Variants in ARHGAP44 observed in about 807,000 individuals in gnomAD.
ARHGAP44 encodes the protein rho GTPase-activating protein 44.
In ARHGAP44, 43 loss-of-function variants were observed where a neutral mutation model predicts 106.8. That is an observed-to-expected ratio of 0.40 (90% CI 0.32 to 0.52). The LOEUF (loss-of-function observed/expected upper bound fraction) is 0.52. Among genes scored for constraint, ARHGAP44 ranks in the 20% least tolerant of loss-of-function variants. The probability of loss-of-function intolerance (pLI) is 0.48; values close to 1 mark genes in which losing one functional copy is unlikely to be tolerated. For synonymous variants in ARHGAP44, 439 were observed against 410.3 expected, an observed-to-expected ratio of 1.07 and a Z score of -0.85; for missense variants, 866 against 1,050.5, an observed-to-expected ratio of 0.82 and a Z score of 2.43.
chr17:12,796,524 A>G (rs1416126243), intron 1 of ARHGAP44, among the ~76,000 whole-genome samples: 2 of 152,118 alleles, frequency 1.3e-5, no homozygotes, highest in Non-Finnish European at 2.9e-5. Flanking sequence ...CAGTCTCCCT[A>G]AGTGCTGGGA....
At chr17:12,952,644 A>G in intron 13 of ARHGAP44, 63 bp downstream of exon 13, 2 of 1,260,664 alleles carry the variant, frequency 1.6e-6, no homozygotes, top group Non-Finnish European at 2.2e-6. Context: ...CAGAGATACA[A>G]CTGCCCGGGT....
chr17:12,872,302 G>A (rs1411158688), intron 1 of ARHGAP44, among the ~76,000 whole-genome samples: 1 of 152,074 alleles, frequency 6.6e-6, no homozygotes, highest in African/African-American at 2.4e-5. Context: ...GGAGCCCACT[G>A]AATTCTAATT....
intron 1 of ARHGAP44, among the ~76,000 whole-genome samples, chr17:12,846,678 G>A (rs2035579150): frequency 6.6e-6 from 1 of 152,238 alleles, no homozygotes; most frequent in Non-Finnish European, 1.5e-5. Flanking sequence ...GAAAACCTGA[G>A]ACATCTTCAA....
chr17:12,829,156 T>G (rs1007822213), intron 1 of ARHGAP44, among the ~76,000 whole-genome samples: 1 of 152,138 alleles, frequency 6.6e-6, no homozygotes, highest in African/African-American at 2.4e-5. Flanking sequence ...AACTATTGTG[T>G]CTTGGGGGGT....
intron 1 of ARHGAP44, among the ~76,000 whole-genome samples, chr17:12,855,108 TG>T (rs1240461759): frequency 6.6e-6 from 1 of 151,990 alleles, no homozygotes; most frequent in African/African-American, 2.4e-5. Context: ...GCACACTGGG[TG>T]GGTAAAAGAA....
chr17:12,987,272 T>C (rs780542158), intron 20 of ARHGAP44: 11 of 867,250 alleles, frequency 1.3e-5, no homozygotes, highest in Non-Finnish European at 1.7e-5. Context: ...AGCTTCACTC[T>C]CCAGCCTTCC....
At chr17:12,831,423 T>G (rs1455250974) in intron 1 of ARHGAP44, among the ~76,000 whole-genome samples, 3 of 152,154 alleles carry the variant, frequency 2.0e-5, no homozygotes, top group African/African-American at 7.2e-5. Context: ...GTAGGGAGGA[T>G]GTTTCAGCAT....
intron 1 of ARHGAP44, among the ~76,000 whole-genome samples, chr17:12,834,803 C>T (rs1233299824): frequency 6.6e-6 from 1 of 152,096 alleles, no homozygotes; most frequent in Non-Finnish European, 1.5e-5. Context: ...TTTGGATAAA[C>T]AACACATTTT....
chr17:12,890,784 C>A (rs1222259998), intron 1 of ARHGAP44, among the ~76,000 whole-genome samples: 1 of 152,104 alleles, frequency 6.6e-6, no homozygotes, highest in African/African-American at 2.4e-5. Context: ...TAAATTCCAC[C>A]TTTAAATATT....
At chr17:12,834,715 T>C (rs1355337156) in intron 1 of ARHGAP44, among the ~76,000 whole-genome samples, 1 of 152,186 alleles carries the variant, frequency 6.6e-6, no homozygotes, top group African/African-American at 2.4e-5. Context: ...TATTTTCTAG[T>C]AATAGTGATG....
At position 12,952,558 on chromosome 17, in the gene ARHGAP44, C is replaced by A; in HGVS notation, c.1113C>A (p.Pro371=). 1 of 1,575,284 alleles carries A rather than the reference C, an allele frequency of 6.3e-7. No homozygotes were observed. The highest frequency in any genetic ancestry group is 1.3e-5 in the African/African-American group (1 of 74,108). ...QALWNACEKL[P]KANHNNIRYL... ...TATGGAATGCTTGTGAAAAGTTGCC[C>A]AAGGCCAATCACAACAACATCCGGT... Residue 371 remains proline (P), a synonymous_variant, in exon 13 of 21, where the codon CCC becomes CCA. Transcript: ENST00000379672.
Position 12,934,247 on chromosome 17 carries a change from T to C in ARHGAP44, c.582+5201T>C, listed in dbSNP as rs1256991214. Among the ~76,000 whole-genome samples, 4 of 152,206 alleles carry C rather than the reference T, an allele frequency of 2.6e-5. No individual in the cohort carries two copies. The East Asian group carries it at 5.8e-4, about 22-fold the overall frequency. On this transcript the variant is annotated intron_variant, in intron 7 of 20. Coordinates refer to ENST00000379672, the MANE Select transcript of ARHGAP44 (RefSeq NM_014859.6). ...TTTGTATCTCTTCTTTTCCATTTTA[T>C]TCTTCTTCAATGTATAATCTTTCCT... is the stretch of plus-strand genomic sequence containing the variant.
intron 16 of ARHGAP44, among the ~76,000 whole-genome samples, chr17:12,965,520 C>T (rs1598130776): frequency 6.6e-6 from 1 of 152,254 alleles, no homozygotes; most frequent in East Asian, 1.9e-4. Context: ...TGAGAGGGTT[C>T]TAGAATAATT....
chr17:12,956,204 C>T (rs1375774040), intron 14 of ARHGAP44, among the ~76,000 whole-genome samples: 2 of 152,074 alleles, frequency 1.3e-5, no homozygotes, highest in Non-Finnish European at 2.9e-5. Context: ...AAGTCAGGGT[C>T]TTCTCTGAGC....
intron 1 of ARHGAP44, among the ~76,000 whole-genome samples, chr17:12,882,464 C>T (rs749886799): frequency 6.6e-6 from 1 of 152,064 alleles, no homozygotes; most frequent in Non-Finnish European, 1.5e-5. Context: ...GCTTACTGAG[C>T]TGGGTAGACA....
chr17:12,897,434 CTT>C (rs11464642), intron 3 of ARHGAP44, among the ~76,000 whole-genome samples: 1 of 140,570 alleles, frequency 7.1e-6, no homozygotes. Context: ...CGAGTCATTT[CTT>C]TTTTTTTTTT....
In ARHGAP44 at chr17:12,984,524, C is replaced by G; in HGVS notation, c.1940-7C>G. 6.6e-7 allele frequency: 1 copy of G among 1,512,722 alleles called. No individual in the cohort carries two copies. The highest frequency in any genetic ancestry group is 8.8e-7 in the Non-Finnish European group (1 of 1,135,520). The allele number at this position is 1,512,722 out of a possible 1,614,324, so 93.7% of individuals were successfully genotyped here. On this transcript the variant is annotated splice_polypyrimidine_tract_variant and splice_region_variant and intron_variant, in intron 19 of 20. Coordinates refer to ENST00000379672, the MANE Select transcript of ARHGAP44 (RefSeq NM_014859.6). ...GTTTTGTTGTTGTGTTGTGTTTTCT[C>G]TTTCAGTTTCAAAGAAGCTGGCACC... is the stretch of plus-strand genomic sequence containing the variant.
intron 13 of ARHGAP44, among the ~76,000 whole-genome samples, chr17:12,955,054 T>G (rs2039093887): frequency 6.6e-6 from 1 of 152,192 alleles, no homozygotes; most frequent in Non-Finnish European, 1.5e-5. Flanking sequence ...CTAATGTACT[T>G]TCTGGCTCCA....
At chr17:12,932,199 A>G (rs1191499429) in intron 7 of ARHGAP44, among the ~76,000 whole-genome samples, 1 of 152,010 alleles carries the variant, frequency 6.6e-6, no homozygotes, top group Non-Finnish European at 1.5e-5. Context: ...TCCTATTTTC[A>G]ATTTTTGCCA....
Sources: allele counts gnomAD v4.1 joint callset (sites outside exome capture counted in the v4.1 genomes callset), GRCh38; gene constraint gnomAD v4.1.1; transcripts MANE v1.5; gene names NCBI Gene and HGNC (gene_info 2026-07-23, HGNC 2026-07-21).